The following LONP2 variants were observed in gnomAD, a reference collection of about 807,000 sequenced individuals.
LONP2 encodes lon peptidase 2, peroxisomal.
Under a neutral mutation model 85.6 loss-of-function variants are expected in LONP2, and 60 were observed. The ratio of observed to expected loss-of-function variants is 0.70; its 90% CI spans 0.57 to 0.87. The LOEUF (loss-of-function observed/expected upper bound fraction) is 0.87. Among genes scored for constraint, LONP2 ranks in the 40% least tolerant of loss-of-function variants. The pLI is 0.00. For synonymous variants in LONP2, 395 were observed against 389.7 expected, an observed-to-expected ratio of 1.01 and a Z score of -0.16; for missense variants, 860 against 1,063.5, an observed-to-expected ratio of 0.81 and a Z score of 2.66.
chr16:48,320,306 G>C (rs1249006040), intron 11 of LONP2, among the ~76,000 whole-genome samples: 1 of 152,074 alleles, frequency 6.6e-6, no homozygotes, highest in Non-Finnish European at 1.5e-5. Flanking sequence ...TGCATTTTCA[G>C]TATTTAAAGT....
chr16:48,359,586 C>T (rs751830003), downstream of LONP2, among the ~76,000 whole-genome samples: 4 of 152,008 alleles, frequency 2.6e-5, no homozygotes, highest in Admixed American at 1.3e-4. Context: ...CATGGTGGCA[C>T]GTGCCTGTAG....
At chr16:48,276,709 A>G (rs1313329571) in intron 7 of LONP2, among the ~76,000 whole-genome samples, 3 of 152,236 alleles carry the variant, frequency 2.0e-5, no homozygotes, top group Non-Finnish European at 1.5e-5. Flanking sequence ...TATGGGATGA[A>G]TACAGTTTTG....
chr16:48,298,795 A>G (rs985645392), intron 9 of LONP2, among the ~76,000 whole-genome samples: 5 of 152,194 alleles, frequency 3.3e-5, no homozygotes, highest in African/African-American at 1.2e-4. Flanking sequence ...TGGGAAATAT[A>G]TCATTTAATC....
At chr16:48,276,153 AT>A (rs1972203718) in intron 7 of LONP2, among the ~76,000 whole-genome samples, 1 of 152,218 alleles carries the variant, frequency 6.6e-6, no homozygotes, top group African/African-American at 2.4e-5. Flanking sequence ...TGATTCTGAA[AT>A]CTTGAATGTG....
At chr16:48,346,469 G>A (rs948695694) in intron 12 of LONP2, among the ~76,000 whole-genome samples, 1 of 152,154 alleles carries the variant, frequency 6.6e-6, no homozygotes, top group African/African-American at 2.4e-5. Flanking sequence ...AAGATGGCAG[G>A]CAGTACAGTG....
intron 14 of LONP2, 130 bp downstream of exon 14, chr16:48,348,420 C>G (rs1262773452): frequency 6.9e-6 from 3 of 434,844 alleles, no homozygotes; most frequent in Non-Finnish European, 7.5e-6. Flanking sequence ...ATTTTTATGC[C>G]TGTAACTAAT....
rs144318619 is a variant in LONP2, at chr16:48,314,023, A to C, written c.1795+10718A>C. Among the ~76,000 whole-genome samples the C allele has an allele frequency of 3.2e-3, 485 of 152,242 alleles. 2 individuals are homozygous for C. The highest frequency in any genetic ancestry group is 0.011 in the African/African-American group (463 of 41,536). On this transcript the variant is annotated intron_variant, in intron 11 of 14. Transcript: ENST00000285737. ...TCTGACTGGCGTGAGATGGTATCTC[A>C]TTGTAGTTTTTATTTGCATTTCTCT... is the stretch of plus-strand genomic sequence containing the variant.
intron 6 of LONP2, among the ~76,000 whole-genome samples, chr16:48,266,994 G>A (rs1259106210): frequency 1.3e-5 from 2 of 152,060 alleles, no homozygotes; most frequent in African/African-American, 4.8e-5. Flanking sequence ...AAGCTACTGT[G>A]AACTGTGGTA....
chr16:48,278,436 T>G (rs1001113470), intron 8 of LONP2, among the ~76,000 whole-genome samples: 7 of 152,206 alleles, frequency 4.6e-5, no homozygotes, highest in African/African-American at 1.7e-4. Flanking sequence ...TTTTGTGGTG[T>G]TAACTCCCTG....
intron 11 of LONP2, among the ~76,000 whole-genome samples, chr16:48,324,891 TA>T (rs1973337565): frequency 6.6e-6 from 1 of 152,168 alleles, no homozygotes; most frequent in Non-Finnish European, 1.5e-5. Flanking sequence ...TCAGGCTGTT[TA>T]GCATATCTGT....
chr16:48,304,766 T>C (rs1972877345), intron 11 of LONP2, among the ~76,000 whole-genome samples: 1 of 152,004 alleles, frequency 6.6e-6, no homozygotes, highest in African/African-American at 2.4e-5. Flanking sequence ...CTGTAAGGGG[T>C]CTCAGTTCAT....
At chr16:48,316,030 CAG>C (rs1398557529) in intron 11 of LONP2, among the ~76,000 whole-genome samples, 17 of 134,170 alleles carry the variant, frequency 1.3e-4, no homozygotes, top group Non-Finnish European at 2.0e-4. Flanking sequence ...TTCTTTAAGA[CAG>C]AGTCTCACTC....
chr16:48,277,546 A>G lies in LONP2; in HGVS notation c.1383+67A>G, dbSNP rs1379227994. Reference sequence around the variant, plus strand: ...AGTATGGAGGAGGGTTGATAATCATATTCAAGTGATATACACAGTGGTGTA... The same window carrying G: ...AGTATGGAGGAGGGTTGATAATCATGTTCAAGTGATATACACAGTGGTGTA... On this transcript the variant is annotated intron_variant, in intron 8 of 14. Coordinates refer to ENST00000285737, the MANE Select transcript of LONP2 (RefSeq NM_031490.5). The G allele has an allele frequency of 9.9e-6, 15 of 1,508,944 alleles. 1 individual carries two copies. The highest frequency in any genetic ancestry group is 1.3e-5 in the Non-Finnish European group (14 of 1,102,104). The allele number at this position is 1,508,944 out of a possible 1,614,324, so 93.5% of individuals were successfully genotyped here.
intron 1 of LONP2, among the ~76,000 whole-genome samples, chr16:48,248,657 C>T (rs1750991292): frequency 6.6e-6 from 1 of 152,016 alleles, no homozygotes; most frequent in African/African-American, 2.4e-5. Context: ...ACTGAACTAA[C>T]ATCATTGCAG....
In LONP2 at chr16:48,356,699, CA is replaced by C; in HGVS notation, c.*4898del. On this transcript the variant is annotated 3_prime_UTR_variant, in exon 15 of 15. Coordinates refer to ENST00000285737, the MANE Select transcript of LONP2 (RefSeq NM_031490.5). ...ATATCAAAAAGGTCTGAATAGACAA[CA>C]GGCAAATATGGTGAGTGGTCATTGA... is the stretch of plus-strand genomic sequence containing the variant. 2.6e-6 allele frequency: 1 copy of C among 384,538 alleles called. No individual in the cohort carries two copies. The highest frequency in any genetic ancestry group is 1.9e-5 in the South Asian group (1 of 51,714). The allele number at this position is 384,538 out of a possible 1,614,324, so 23.8% of individuals were successfully genotyped here. A position where few individuals can be genotyped will look rare whatever the true frequency, so the allele number is the denominator to read the frequency against.
Position 48,342,578 on chromosome 16 carries a change from A to G in LONP2, c.1939-4929A>G, listed in dbSNP as rs1331062762. ...ATTGGAGAGCAGCTGGTTCTCAGCA[A>G]TGCAAGCATCAGGCCAGGCTGGGGC... On this transcript the variant is annotated intron_variant, in intron 12 of 14. Transcript: ENST00000285737. Among the ~76,000 whole-genome samples the G allele has an allele frequency of 2.0e-5, 3 of 152,354 alleles. No homozygotes were observed. The East Asian group carries it at 5.8e-4, about 29-fold the overall frequency.
chr16:48,312,141 C>T (rs1973045955), intron 11 of LONP2, among the ~76,000 whole-genome samples: 1 of 151,952 alleles, frequency 6.6e-6, no homozygotes, highest in African/African-American at 2.4e-5. Context: ...TGCGGTTTCA[C>T]CTTGTTGGCC....
Position 48,334,512 on chromosome 16 carries a change from C to T in LONP2, c.1938+154C>T, listed in dbSNP as rs1265943886. On this transcript the variant is annotated intron_variant, in intron 12 of 14. Transcript: ENST00000285737. ...TTGGGACGCAGGTTGTTGGTGTGGC[C>T]GCACTTCTTGCAGCAGTTGACTGCA... 41 of 909,384 alleles carry T rather than the reference C, an allele frequency of 4.5e-5. No homozygotes were observed. The Admixed American group carries it at 6.4e-4, about 14-fold the overall frequency. The allele number at this position is 909,384 out of a possible 1,614,324, so 56.3% of individuals were successfully genotyped here.
At chr16:48,303,082 C>A in intron 10 of LONP2, 90 bp from the exon 11 acceptor site, 1 of 1,426,350 alleles carries the variant, frequency 7.0e-7, no homozygotes. Context: ...TTTAAATGTA[C>A]ACTGTTTTAC....
Sources: allele counts gnomAD v4.1 joint callset (sites outside exome capture counted in the v4.1 genomes callset), GRCh38; gene constraint gnomAD v4.1.1; transcripts MANE v1.5; gene names NCBI Gene and HGNC (gene_info 2026-07-23, HGNC 2026-07-21).